Variants in ATP8A2 observed in about 807,000 individuals in gnomAD.
The protein encoded by ATP8A2 is phospholipid-transporting ATPase IB.
In ATP8A2, 100 loss-of-function variants were observed where a neutral mutation model predicts 165.6. That is an observed-to-expected ratio of 0.60 (90% confidence interval 0.51 to 0.71). ATP8A2 has a LOEUF of 0.71. Ranked by LOEUF, ATP8A2 falls within the 30% of genes least tolerant of loss-of-function variation. ATP8A2 has a pLI of 0.00. For synonymous variants in ATP8A2, 543 were observed against 548.8 expected (o/e 0.99, Z 0.15); for missense variants, 1,227 against 1,479.5 (o/e 0.83, Z 2.80).
chr13:25,531,433 TTA>T (rs375462301), intron 4 of ATP8A2, among the ~76,000 whole-genome samples: 5 of 34,506 alleles, frequency 1.4e-4, no homozygotes, highest in African/African-American at 3.9e-4. Context: ...ATATATATGA[TTA>T]TATATATGAT....
chr13:25,751,581 C>T lies in ATP8A2; in HGVS notation c.2385-17465C>T, dbSNP rs192013105. 2.6e-3 allele frequency among the ~76,000 whole-genome samples: 395 copies of T among 152,142 alleles called. 2 individuals carry two copies. The highest frequency in any genetic ancestry group is 8.4e-3 in the African/African-American group (347 of 41,502). On this transcript the variant is annotated intron_variant, in intron 25 of 36. Transcript: ENST00000381655. ...CCTCCTGAGTAGCTGGGACTACAGG[C>T]GTGATTGCCATGACTGGCTAATTTT...
chr13:25,705,252 T>G (rs954502887), intron 25 of ATP8A2: 4 of 355,894 alleles, frequency 1.1e-5, no homozygotes, highest in African/African-American at 2.2e-5. Flanking sequence ...TCAGAAATCT[T>G]TAAAGTGACT....
At chr13:25,557,444 T>G (rs1244065375) in intron 13 of ATP8A2, among the ~76,000 whole-genome samples, 1 of 152,210 alleles carries the variant, frequency 6.6e-6, no homozygotes, top group Non-Finnish European at 1.5e-5. Flanking sequence ...CCTGTAAGAA[T>G]CAGTGAGTTC....
intron 9 of ATP8A2, 51 bp from the exon 10 acceptor site, chr13:25,543,240 T>C (rs2038539313): frequency 8.4e-7 from 1 of 1,192,070 alleles, no homozygotes; most frequent in African/African-American, 1.5e-5. Context: ...GAAAAACTCA[T>C]GCTTATTTTC....
At chr13:25,785,169 T>A (rs565957930) in intron 27 of ATP8A2, among the ~76,000 whole-genome samples, 5 of 151,208 alleles carry the variant, frequency 3.3e-5, no homozygotes, top group South Asian at 4.2e-4. Flanking sequence ...GAGGCTGAGG[T>A]GGGCAGATCA....
At chr13:25,971,915 C>T (rs1489994016) in intron 35 of ATP8A2, among the ~76,000 whole-genome samples, 4 of 152,128 alleles carry the variant, frequency 2.6e-5, no homozygotes, top group Non-Finnish European at 5.9e-5. Context: ...AGCCAGGGCA[C>T]CCCCAGGGGT....
intron 33 of ATP8A2, among the ~76,000 whole-genome samples, chr13:25,956,819 C>T (rs888124389): frequency 2.0e-5 from 3 of 152,170 alleles, no homozygotes; most frequent in African/African-American, 7.2e-5. Context: ...CCAAGACAAT[C>T]CTAAGCAAAA....
chr13:25,597,796 A>T (rs1367269468), intron 24 of ATP8A2, among the ~76,000 whole-genome samples: 1 of 152,218 alleles, frequency 6.6e-6, no homozygotes, highest in African/African-American at 2.4e-5. Flanking sequence ...AATTTCTGTT[A>T]ATATGTTTCA....
intron 28 of ATP8A2, among the ~76,000 whole-genome samples, chr13:25,829,712 A>G (rs541598079): frequency 3.8e-5 from 4 of 105,806 alleles, no homozygotes; most frequent in South Asian, 3.2e-4. Context: ...ATATATATAT[A>G]TATATATATC....
intron 16 of ATP8A2, among the ~76,000 whole-genome samples, chr13:25,564,496 C>T (rs905900717): frequency 6.6e-6 from 1 of 152,132 alleles, no homozygotes; most frequent in Non-Finnish European, 1.5e-5. Context: ...CTTTAGTCAA[C>T]ATTTGAATCA....
At chr13:25,663,207 A>G (rs1006250398) in intron 24 of ATP8A2, among the ~76,000 whole-genome samples, 1 of 152,276 alleles carries the variant, frequency 6.6e-6, no homozygotes, top group Non-Finnish European at 1.5e-5. Context: ...AAGCCAATGC[A>G]GCACCTGAAT....
intron 24 of ATP8A2, among the ~76,000 whole-genome samples, chr13:25,645,306 C>T (rs2041643008): frequency 1.3e-5 from 2 of 152,188 alleles, no homozygotes; most frequent in Non-Finnish European, 2.9e-5. Flanking sequence ...ACAGGAAAGA[C>T]TGGCCCCTGT....
rs200235689 is a variant in ATP8A2, at chr13:25,699,244, C to T, written c.2283C>T (p.Ala761=). 138 of 1,613,426 alleles carry T rather than the reference C, an allele frequency of 8.6e-5. No homozygotes were observed. The highest frequency in any genetic ancestry group is 1.1e-4 in the Non-Finnish European group (128 of 1,179,698). The stretch of plus-strand genomic sequence containing the variant: ...TGCTGGGCAAGGAAAATGACGTGGC[C>T]CTGATCATCGATGGCCACACCCTGA... The part of the protein sequence containing the change: ...GNLLGKENDV[A]LIIDGHTLKY... Residue 761 remains alanine (A), a synonymous_variant, in exon 25 of 37, where the codon GCC becomes GCT. Transcript: ENST00000381655.
At chr13:25,762,234 A>G (rs1232139279) in intron 25 of ATP8A2, among the ~76,000 whole-genome samples, 4 of 120,532 alleles carry the variant, frequency 3.3e-5, no homozygotes, top group Non-Finnish European at 6.5e-5. Flanking sequence ...ATTCCATTGC[A>G]CTCCAGCCTG....
intron 1 of ATP8A2, among the ~76,000 whole-genome samples, chr13:25,423,960 G>A (rs530660570): frequency 6.6e-6 from 1 of 152,316 alleles, no homozygotes; most frequent in Admixed American, 6.5e-5. Context: ...AGGGATGTGA[G>A]GATGAGGATT....
intron 27 of ATP8A2, among the ~76,000 whole-genome samples, chr13:25,808,534 G>A (rs1268333300): frequency 1.3e-5 from 2 of 151,626 alleles, no homozygotes; most frequent in Non-Finnish European, 2.9e-5. Flanking sequence ...GGGAGGCAGA[G>A]GTTGCAGTGA....
chr13:25,939,046 T>C (rs1954993414), intron 33 of ATP8A2, among the ~76,000 whole-genome samples: 1 of 152,174 alleles, frequency 6.6e-6, no homozygotes, highest in Non-Finnish European at 1.5e-5. Flanking sequence ...TTTCGCCATG[T>C]TGGCCAAGCT....
chr13:25,872,690 T>C (rs1460115424), intron 33 of ATP8A2, among the ~76,000 whole-genome samples: 1 of 152,226 alleles, frequency 6.6e-6, no homozygotes, highest in Non-Finnish European at 1.5e-5. Context: ...CAATTCTAAC[T>C]GGCTTAGAGT....
At chr13:25,747,963 T>TA (rs34274451) in intron 25 of ATP8A2, among the ~76,000 whole-genome samples, 54,388 of 152,080 alleles carry the variant, frequency 0.36, 10,138 homozygotes, top group East Asian at 0.49. Context: ...TATTGGGTTT[T>TA]AAAAATTCAT....
Sources: allele counts gnomAD v4.1 joint callset (sites outside exome capture counted in the v4.1 genomes callset), GRCh38; gene constraint gnomAD v4.1.1; transcripts MANE v1.5; gene names NCBI Gene and HGNC (gene_info 2026-07-23, HGNC 2026-07-21).